The following SORCS1 variants were observed in gnomAD, a reference collection of about 807,000 sequenced individuals.
SORCS1 encodes VPS10 domain-containing receptor SorCS1.
SORCS1 carries 60 observed loss-of-function variants against 146.1 expected under a neutral mutation model. The ratio of observed to expected loss-of-function variants is 0.41; its 90% CI spans 0.33 to 0.51. The LOEUF (loss-of-function observed/expected upper bound fraction) is 0.51. Ranked by LOEUF, SORCS1 falls within the 20% of genes least tolerant of loss-of-function variation. The probability of loss-of-function intolerance (pLI) is 0.21; values close to 1 mark genes in which losing one functional copy is unlikely to be tolerated. For missense variants in SORCS1, 1,352 were observed against 1,487.6 expected, an observed-to-expected ratio of 0.91 and a Z score of 1.50; for synonymous variants, 637 against 584.0, an observed-to-expected ratio of 1.09 and a Z score of -1.31.
chr10:107,177,054 G>T, the SORCS1 span, among the ~76,000 whole-genome samples: 1 of 151,990 alleles, frequency 6.6e-6, no homozygotes, highest in Non-Finnish European at 1.5e-5. Flanking sequence ...ACATAGAACT[G>T]CCATGTCATC....
intron 1 of SORCS1, among the ~76,000 whole-genome samples, chr10:107,059,658 A>G (rs1481200284): frequency 1.3e-5 from 2 of 152,156 alleles, no homozygotes; most frequent in Admixed American, 1.3e-4. Flanking sequence ...GGGATTCTGT[A>G]TACAGGATGG....
At chr10:106,586,005 G>A (rs548526867) in intron 24 of SORCS1, among the ~76,000 whole-genome samples, 72 of 152,146 alleles carry the variant, frequency 4.7e-4, no homozygotes, top group Non-Finnish European at 8.5e-4. Flanking sequence ...AAGACTAGAC[G>A]CATAAGCAAA....
intron 20 of SORCS1, among the ~76,000 whole-genome samples, chr10:106,618,750 C>T (rs1433911255): frequency 6.6e-6 from 1 of 152,180 alleles, no homozygotes; most frequent in Non-Finnish European, 1.5e-5. Flanking sequence ...GAATCCGGTA[C>T]ACCAAAACCA....
intron 1 of SORCS1, among the ~76,000 whole-genome samples, chr10:107,015,172 T>C (rs986527628): frequency 6.6e-6 from 1 of 152,236 alleles, no homozygotes; most frequent in Non-Finnish European, 1.5e-5. Flanking sequence ...CAACGCATTC[T>C]ACAAATATGT....
chr10:106,968,165 G>A (rs1015088395), intron 1 of SORCS1, among the ~76,000 whole-genome samples: 3 of 151,960 alleles, frequency 2.0e-5, no homozygotes, highest in Non-Finnish European at 4.4e-5. Flanking sequence ...AGCCGAGATC[G>A]CGCCACTGCA....
intron 22 of SORCS1, among the ~76,000 whole-genome samples, chr10:106,608,586 G>C (rs1292528382): frequency 1.3e-5 from 2 of 152,048 alleles, no homozygotes; most frequent in Admixed American, 1.3e-4. Flanking sequence ...CTCCAACAAC[G>C]TTACTATTAT....
chr10:107,160,361 G>A (rs1177287797), intron 1 of SORCS1, among the ~76,000 whole-genome samples: 1 of 152,128 alleles, frequency 6.6e-6, no homozygotes, highest in Non-Finnish European at 1.5e-5. Flanking sequence ...TAGCCTCTTG[G>A]AACCTCAGTT....
intron 1 of SORCS1, among the ~76,000 whole-genome samples, chr10:107,078,774 C>T (rs1369099297): frequency 6.6e-6 from 1 of 152,206 alleles, no homozygotes; most frequent in Admixed American, 6.5e-5. Context: ...TAGCACTTAA[C>T]AATATTAAGG....
At chr10:106,984,770 T>A (rs1218065158) in intron 1 of SORCS1, among the ~76,000 whole-genome samples, 1 of 152,168 alleles carries the variant, frequency 6.6e-6, no homozygotes, top group Non-Finnish European at 1.5e-5. Flanking sequence ...AAATTTTATC[T>A]TTATAGACAC....
chr10:107,113,689 CA>C (rs538551901), intron 1 of SORCS1, among the ~76,000 whole-genome samples: 4,155 of 49,170 alleles, frequency 0.085, 89 homozygotes, highest in African/African-American at 0.19. Context: ...GACTCCATCT[CA>C]AAAAAAAAAA....
In SORCS1 at chr10:106,615,047, C is replaced by G. The variant is rs540089548; in HGVS notation, c.2921-3024G>C. On this transcript the variant is annotated intron_variant, in intron 21 of 25. Coordinates refer to ENST00000263054, the MANE Select transcript of SORCS1 (RefSeq NM_052918.5). The stretch of plus-strand genomic sequence containing the variant: ...GATGCTTTTTTCAGTCCCATCATGA[C>G]AATAGGACTTCATGTTCCCATCAAT... Among the ~76,000 whole-genome samples the G allele has an allele frequency of 4.2e-4, 3 of 7,088 alleles. No homozygotes were observed. The South Asian group carries it at 0.17, about 394-fold the overall frequency. 4.7% of individuals were successfully genotyped at this position (7,088 alleles called of 152,430 possible). A position where few individuals can be genotyped will look rare whatever the true frequency, so the allele number is the denominator to read the frequency against.
rs572263408 is a variant in SORCS1 at position 106,841,473 on chromosome 10, A to G, written c.627-11800T>C. On this transcript the variant is annotated intron_variant, in intron 2 of 25. Transcript: ENST00000263054. ...CGACAGAGTGAGACTCCATTTCAAT[A>G]AAATACACACACACACACACACACA... 4.4e-3 allele frequency among the ~76,000 whole-genome samples: 556 copies of G among 125,314 alleles called. 6 individuals are homozygous for G. The highest frequency in any genetic ancestry group is 0.018 in the African/African-American group (542 of 30,816). The allele number at this position is 125,314 out of a possible 152,430, so 82.2% of individuals were successfully genotyped here. A position where few individuals can be genotyped will look rare whatever the true frequency, so the allele number is the denominator to read the frequency against.
intron 1 of SORCS1, among the ~76,000 whole-genome samples, chr10:106,979,058 C>T (rs930729153): frequency 6.6e-6 from 1 of 152,160 alleles, no homozygotes; most frequent in Non-Finnish European, 1.5e-5. Context: ...TTTAAATGTA[C>T]TGGTATAAAA....
intron 1 of SORCS1, among the ~76,000 whole-genome samples, chr10:107,132,832 A>G (rs775589460): frequency 4.6e-5 from 7 of 152,058 alleles, no homozygotes; most frequent in Non-Finnish European, 8.8e-5. Flanking sequence ...TATTTCTGCT[A>G]TTACCCTTCT....
chr10:106,690,385 T>C (rs984326954), intron 9 of SORCS1, among the ~76,000 whole-genome samples: 7 of 152,234 alleles, frequency 4.6e-5, no homozygotes, highest in African/African-American at 1.7e-4. Context: ...TGACAATAAC[T>C]GCAGAAGGAA....
chr10:106,707,591 C>T (rs1854626239), intron 7 of SORCS1, among the ~76,000 whole-genome samples: 2 of 152,150 alleles, frequency 1.3e-5, no homozygotes, highest in South Asian at 2.1e-4. Flanking sequence ...CCTTCAACTC[C>T]TGGGCTCAAG....
intron 1 of SORCS1, among the ~76,000 whole-genome samples, chr10:107,055,348 G>A (rs1208375940): frequency 6.6e-6 from 1 of 152,216 alleles, no homozygotes; most frequent in Non-Finnish European, 1.5e-5. Context: ...AGGCATTGAT[G>A]TAAAGGAATA....
At chr10:106,742,446 C>G (rs1857431248) in intron 5 of SORCS1, among the ~76,000 whole-genome samples, 1 of 152,118 alleles carries the variant, frequency 6.6e-6, no homozygotes, top group Non-Finnish European at 1.5e-5. Flanking sequence ...GTGGCACAAT[C>G]TCAGCTCACT....
chr10:107,088,271 G>A (rs892409620), intron 1 of SORCS1, among the ~76,000 whole-genome samples: 1 of 152,106 alleles, frequency 6.6e-6, no homozygotes, highest in Non-Finnish European at 1.5e-5. Flanking sequence ...TACACTGGAA[G>A]TAGTTAAATT....
Sources: allele counts gnomAD v4.1 joint callset (sites outside exome capture counted in the v4.1 genomes callset), GRCh38; gene constraint gnomAD v4.1.1; transcripts MANE v1.5; gene names NCBI Gene and HGNC (gene_info 2026-07-23, HGNC 2026-07-21).